The following PKP1 variants were observed in gnomAD, a reference collection of about 807,000 sequenced individuals.
PKP1 encodes the protein plakophilin 1, also known as plakophilin-1.
Under a neutral mutation model 76.4 loss-of-function variants are expected in PKP1, and 27 were observed. The ratio of observed to expected loss-of-function variants is 0.35; its 90% CI spans 0.26 to 0.49. PKP1 has a LOEUF of 0.49. Ranked by LOEUF, PKP1 falls within the 20% of genes least tolerant of loss-of-function variation. The pLI is 0.99. For synonymous variants in PKP1, 404 were observed against 384.2 expected (o/e 1.05, Z -0.60); for missense variants, 964 against 955.2 (o/e 1.01, Z -0.12).
chr1:201,292,611 C>T (rs1012380770), intron 1 of PKP1, among the ~76,000 whole-genome samples: 6 of 152,216 alleles, frequency 3.9e-5, no homozygotes, highest in African/African-American at 1.4e-4. Context: ...TCCAGCCCTG[C>T]TCCCCCAGGC....
At chr1:201,286,162 A>G (rs1010033691) in intron 1 of PKP1, among the ~76,000 whole-genome samples, 5 of 152,224 alleles carry the variant, frequency 3.3e-5, no homozygotes, top group African/African-American at 9.6e-5. Flanking sequence ...TTTACCTGTC[A>G]GGAGCCTGCT....
intron 4 of PKP1, among the ~76,000 whole-genome samples, chr1:201,317,196 GTTTGTATGCA>G (rs1244470440): frequency 6.6e-6 from 1 of 152,170 alleles, no homozygotes; most frequent in Non-Finnish European, 1.5e-5. Context: ...TCCCGGATAA[GTTTGTATGCA>G]TTTCTATGTC....
Position 201,318,613 on chromosome 1 carries a change from C to A in PKP1, c.1055-5C>A, listed in dbSNP as rs979371135. On this transcript the variant is annotated splice_region_variant and splice_polypyrimidine_tract_variant and intron_variant, in intron 5 of 13. Transcript: ENST00000367324. ...CAAATTGGGTTGATGGTCTCTGACC[C>A]CCAGGGCTGCTCTGGAACCTGTCTT... is the stretch of plus-strand genomic sequence containing the variant. The A allele has an allele frequency of 6.2e-7, 1 of 1,612,006 alleles. No homozygotes were observed. The highest frequency in any genetic ancestry group is 8.5e-7 in the Non-Finnish European group (1 of 1,179,822).
intron 6 of PKP1, 84 bp downstream of exon 6, chr1:201,318,879 G>T (rs1794868): frequency 8.7e-7 from 1 of 1,155,564 alleles, no homozygotes; most frequent in Non-Finnish European, 1.3e-6. Context: ...ACATTCAGCC[G>T]GTGCATAGAA....
intron 2 of PKP1, among the ~76,000 whole-genome samples, chr1:201,307,255 G>A (rs887834364): frequency 3.3e-5 from 5 of 152,190 alleles, no homozygotes; most frequent in African/African-American, 7.2e-5. Flanking sequence ...GTGTCCAGGC[G>A]TCAAGGCTTC....
chr1:201,325,024 G>T lies in PKP1; in HGVS notation c.1918G>T (p.Ala640Ser), dbSNP rs763353426. 1.2e-6 allele frequency: 2 copies of T among 1,613,878 alleles called. No individual in the cohort carries two copies. The highest frequency in any genetic ancestry group is 1.7e-5 in the Admixed American group (1 of 60,026). ...CAACTCCGAAGACATCTTGTCCTCG[G>T]CCTGCTACACTGTGAGGAACCTGAT... ...TSNSEDILSS[A>S]CYTVRNLMAS... Residue 640 changes from alanine to serine, a missense_variant, in exon 11 of 14, where the codon GCC becomes TCC. Ala to Ser is a moderately conservative substitution (Grantham distance 99). Coordinates refer to ENST00000367324, the MANE Select transcript of PKP1 (RefSeq NM_001005337.3).
At chr1:201,299,663 T>C (rs1409544347) in intron 2 of PKP1, among the ~76,000 whole-genome samples, 1 of 152,208 alleles carries the variant, frequency 6.6e-6, no homozygotes, top group Non-Finnish European at 1.5e-5. Context: ...CTTAATTTCC[T>C]CTTTGCTTTC....
At chr1:201,307,917 C>G (rs900471392) in intron 2 of PKP1, among the ~76,000 whole-genome samples, 5 of 152,210 alleles carry the variant, frequency 3.3e-5, no homozygotes, top group African/African-American at 1.2e-4. Flanking sequence ...TTGGACACTG[C>G]TGGGTGTGTG....
At chr1:201,302,803 A>G (rs565315381) in intron 2 of PKP1, among the ~76,000 whole-genome samples, 1 of 152,380 alleles carries the variant, frequency 6.6e-6, no homozygotes. Flanking sequence ...AAGGGGATGA[A>G]GACAGGCTGG....
In PKP1 at chr1:201,323,034, C is replaced by T; in HGVS notation, c.1525C>T (p.Leu509=). 1.9e-6 allele frequency: 3 copies of T among 1,614,166 alleles called. No individual in the cohort carries two copies. Among genetic ancestry groups the T allele is most frequent in the Non-Finnish European group, 2.5e-6 (3 of 1,180,020 alleles). ...TCAGAACAACAACTATGACTGCCCCCTGCCTGAGGAAGAGACCAACCCCAA... is the reference window on the plus strand; with the variant it reads ...TCAGAACAACAACTATGACTGCCCCTTGCCTGAGGAAGAGACCAACCCCAA... ...KMMNNNYDCP[L]PEEETNPKGS... The change falls in exon 9 of 14, where the codon CTG becomes TTG. Residue 509 remains leucine, a synonymous_variant. Transcript: ENST00000367324.
chr1:201,328,905 C>A, intron 13 of PKP1, 37 bp downstream of exon 13: 1 of 1,241,360 alleles, frequency 8.1e-7, no homozygotes, highest in Non-Finnish European at 1.2e-6. Flanking sequence ...GCCTCTGGGA[C>A]CACTGCAACA....
chr1:201,300,119 C>T (rs1656181525), intron 2 of PKP1, among the ~76,000 whole-genome samples: 2 of 152,244 alleles, frequency 1.3e-5, no homozygotes, highest in Admixed American at 1.3e-4. Context: ...GCTCTCACCC[C>T]AACAAGAAGA....
intron 1 of PKP1, among the ~76,000 whole-genome samples, chr1:201,292,047 G>A (rs1383207108): frequency 6.6e-6 from 1 of 152,238 alleles, no homozygotes; most frequent in African/African-American, 2.4e-5. Flanking sequence ...AGAGTCCCAG[G>A]ATGTTGCTCA....
chr1:201,308,393 C>T (rs766924172), intron 2 of PKP1, among the ~76,000 whole-genome samples: 4 of 152,218 alleles, frequency 2.6e-5, no homozygotes, highest in Non-Finnish European at 5.9e-5. Flanking sequence ...GAGCTCAGCC[C>T]TGTTTTAGGC....
In PKP1 at chr1:201,323,012, GAAC is replaced by G. The variant is rs1172080523; in HGVS notation, c.1510_1512del (p.Asn504del). 15 of 1,613,964 alleles carry G rather than the reference GAAC, an allele frequency of 9.3e-6. No homozygotes were observed. The highest frequency in any genetic ancestry group is 4.5e-5 in the East Asian group (2 of 44,874). ...CCCCCTGACCGGCTCTTTATCCTCAGAACAACAACTATGACTGCCCCCTGCCTG... is the reference window on the plus strand; with the variant it reads ...CCCCCTGACCGGCTCTTTATCCTCAGAACAACTATGACTGCCCCCTGCCTG... On this transcript the variant is annotated inframe_deletion and splice_region_variant, in exon 9 of 14. Coordinates refer to ENST00000367324, the MANE Select transcript of PKP1 (RefSeq NM_001005337.3).
intron 9 of PKP1, among the ~76,000 whole-genome samples, chr1:201,324,006 A>C (rs1657029702): frequency 6.6e-6 from 1 of 152,180 alleles, no homozygotes; most frequent in Non-Finnish European, 1.5e-5. Flanking sequence ...AGAGGTAGGA[A>C]AGTTGGAAGA....
rs1656317195 is a variant in PKP1, at chr1:201,304,392, A to T, written c.307-8774A>T. Among the ~76,000 whole-genome samples the T allele has an allele frequency of 2.0e-5, 3 of 152,346 alleles. No homozygotes were observed. In the South Asian group the frequency reaches 6.2e-4, roughly 32 times the overall value. On this transcript the variant is annotated intron_variant, in intron 2 of 13. Transcript: ENST00000367324. ...GTGGCTGGAGAGGAACCAAACAGTCACATTCCCATCACTCACTGCACCTTC... is the reference window on the plus strand; with the variant it reads ...GTGGCTGGAGAGGAACCAAACAGTCTCATTCCCATCACTCACTGCACCTTC...
At chr1:201,321,276 C>A (rs1157302842) in intron 7 of PKP1, among the ~76,000 whole-genome samples, 1 of 152,212 alleles carries the variant, frequency 6.6e-6, no homozygotes, top group Non-Finnish European at 1.5e-5. Context: ...ACCTGTGTAA[C>A]CCCAAGCCCT....
intron 2 of PKP1, among the ~76,000 whole-genome samples, chr1:201,304,634 A>G (rs1395310013): frequency 1.3e-5 from 2 of 152,184 alleles, no homozygotes; most frequent in Non-Finnish European, 2.9e-5. Flanking sequence ...TGTGTCTAGA[A>G]CCACTGGGGA....
Sources: gnomAD v4.1 joint callset for allele counts (sites outside exome capture counted in the v4.1 genomes callset) on GRCh38, gnomAD v4.1.1 for gene constraint, MANE v1.5 for transcripts, NCBI Gene and HGNC (gene_info 2026-07-23, HGNC 2026-07-21) for gene names.